Variants in PHIP observed in about 807,000 individuals in gnomAD.
The protein encoded by PHIP is PH-interacting protein.
A neutral mutation model predicts 236.8 loss-of-function variants in PHIP; 54 were observed. The ratio of observed to expected loss-of-function variants is 0.23; its 90% CI spans 0.18 to 0.29. The LOEUF (loss-of-function observed/expected upper bound fraction) is 0.29, where lower values mean the gene tolerates loss of function less well. Among genes scored for constraint, PHIP ranks in the 10% least tolerant of loss-of-function variants. PHIP has a pLI of 1.00. For missense variants in PHIP, 1,370 were observed against 2,190.8 expected (o/e 0.63, Z 7.48); for synonymous variants, 756 against 718.9 (o/e 1.05, Z -0.83).
chr6:78,994,475 G>GC (rs1260379905), intron 19 of PHIP, among the ~76,000 whole-genome samples: 2 of 152,162 alleles, frequency 1.3e-5, no homozygotes, highest in Non-Finnish European at 2.9e-5. Context: ...TACTGGGAAG[G>GC]CTGAGGCAGG....
At chr6:78,989,541 G>GA (rs1769081583) in intron 20 of PHIP, among the ~76,000 whole-genome samples, 2 of 152,072 alleles carry the variant, frequency 1.3e-5, no homozygotes, top group Non-Finnish European at 2.9e-5. Context: ...TTAAATTTGG[G>GA]AAAAATAAAT....
chr6:78,954,886 T>C lies in PHIP; in HGVS notation c.3981A>G (p.Glu1327=). ...DIQAWKKQCE[E]LLNLIFQCED... Reference sequence around the variant, plus strand: ...CACATTGAAATATGAGATTTAACAATTCTTCACACTGTTTCTTCCATGCTT... The same window carrying C: ...CACATTGAAATATGAGATTTAACAACTCTTCACACTGTTTCTTCCATGCTT... Residue 1327 remains glutamate (E), a synonymous_variant, in exon 35 of 40, where the codon GAA becomes GAG. Coordinates refer to ENST00000275034, the MANE Select transcript of PHIP (RefSeq NM_017934.7). The C allele has an allele frequency of 6.3e-7, 1 of 1,587,022 alleles. No individual in the cohort carries two copies. The highest frequency in any genetic ancestry group is 1.4e-5 in the African/African-American group (1 of 73,364).
At chr6:79,047,771 C>A (rs890869534) in intron 6 of PHIP, among the ~76,000 whole-genome samples, 2 of 152,086 alleles carry the variant, frequency 1.3e-5, no homozygotes, top group African/African-American at 4.8e-5. Flanking sequence ...TTCTCCTACT[C>A]AGCCCAACAG....
At chr6:78,945,529 G>C (rs749405647) in intron 38 of PHIP, 32 bp from the exon 39 acceptor site, 3 of 1,353,094 alleles carry the variant, frequency 2.2e-6, no homozygotes, top group Non-Finnish European at 3.1e-6. Flanking sequence ...TAAAAATTAA[G>C]AGTTATTGAA....
At chr6:79,002,230 A>C in intron 16 of PHIP, 106 bp from the exon 17 acceptor site, 1 of 678,608 alleles carries the variant, frequency 1.5e-6, no homozygotes, top group Non-Finnish European at 2.5e-6. Context: ...AATACGAATA[A>C]TGGTATTAAG....
At chr6:79,073,420 A>C (rs1221925533) in intron 4 of PHIP, among the ~76,000 whole-genome samples, 1 of 152,196 alleles carries the variant, frequency 6.6e-6, no homozygotes, top group Admixed American at 6.5e-5. Context: ...TCTACTAAAA[A>C]AGGAAATAGT....
chr6:79,024,171 A>T (rs1330584070), intron 9 of PHIP, among the ~76,000 whole-genome samples: 9 of 152,240 alleles, frequency 5.9e-5, no homozygotes, highest in Non-Finnish European at 1.2e-4. Context: ...AGCTGCCATA[A>T]GAACCACTCT....
At chr6:78,991,046 G>A (rs1769208599) in intron 19 of PHIP, 61 bp from the exon 20 acceptor site, 5 of 968,850 alleles carry the variant, frequency 5.2e-6, no homozygotes, top group Non-Finnish European at 6.4e-6. Context: ...CCTCCAAAAG[G>A]AATGTTAGGT....
Position 79,056,366 on chromosome 6 carries a change from G to A in PHIP, c.439+4112C>T, listed in dbSNP as rs115927706. On this transcript the variant is annotated intron_variant, in intron 6 of 39. Transcript: ENST00000275034. ...AAGAACTGCCAAAGAGTTGTACTAA[G>A]CTAGAGCACAAAGTGCAGGTGAGGA... 4.8e-3 allele frequency among the ~76,000 whole-genome samples: 734 copies of A among 152,272 alleles called. 7 individuals are homozygous for A. The highest frequency in any genetic ancestry group is 0.017 in the African/African-American group (699 of 41,558).
At chr6:79,066,991 C>T (rs941220290) in intron 4 of PHIP, among the ~76,000 whole-genome samples, 1 of 152,048 alleles carries the variant, frequency 6.6e-6, no homozygotes, top group Admixed American at 6.5e-5. Flanking sequence ...TGGGCTCAAA[C>T]GATCCTCCGA....
intron 7 of PHIP, among the ~76,000 whole-genome samples, chr6:79,038,709 T>C (rs1275806059): frequency 6.6e-6 from 1 of 152,082 alleles, no homozygotes. Context: ...ATTAGATACA[T>C]ACAAGATAAT....
At chr6:79,077,009 C>T (rs761486283) in intron 4 of PHIP, among the ~76,000 whole-genome samples, 66 of 152,308 alleles carry the variant, frequency 4.3e-4, no homozygotes, top group Non-Finnish European at 7.5e-4. Context: ...AGCAGTTAGT[C>T]ACCAGCTATT....
intron 39 of PHIP, among the ~76,000 whole-genome samples, chr6:78,941,797 T>C (rs1562110513): frequency 1.3e-5 from 2 of 152,166 alleles, no homozygotes; most frequent in East Asian, 1.9e-4. Flanking sequence ...TGATTATATA[T>C]ATATATCAAT....
intron 6 of PHIP, among the ~76,000 whole-genome samples, chr6:79,054,007 T>C (rs1230271572): frequency 6.6e-6 from 1 of 151,488 alleles, no homozygotes; most frequent in Admixed American, 6.6e-5. Flanking sequence ...TTTTGCCCCC[T>C]TTTTTTTGTC....
chr6:78,983,440 C>CAT (rs1562151479), intron 22 of PHIP, among the ~76,000 whole-genome samples: 1 of 152,028 alleles, frequency 6.6e-6, no homozygotes, highest in Non-Finnish European at 1.5e-5. Flanking sequence ...ATTCTGTGAG[C>CAT]ATATAAAAAT....
intron 22 of PHIP, among the ~76,000 whole-genome samples, chr6:78,983,433 C>A (rs1768670044): frequency 6.6e-6 from 1 of 152,092 alleles, no homozygotes; most frequent in Non-Finnish European, 1.5e-5. Flanking sequence ...GTTACAAATT[C>A]TGTGAGCATA....
intron 9 of PHIP, among the ~76,000 whole-genome samples, chr6:79,020,932 G>A (rs1771086644): frequency 6.6e-6 from 1 of 152,034 alleles, no homozygotes. Flanking sequence ...TTAAATTAGT[G>A]TGACAATGTA....
At chr6:79,008,692 T>A (rs1172548970) in intron 15 of PHIP, among the ~76,000 whole-genome samples, 2 of 152,156 alleles carry the variant, frequency 1.3e-5, no homozygotes, top group African/African-American at 4.8e-5. Context: ...GAAAGTAAAC[T>A]ATATACTATA....
chr6:79,050,225 C>T (rs558068006), intron 6 of PHIP, among the ~76,000 whole-genome samples: 9 of 152,180 alleles, frequency 5.9e-5, no homozygotes, highest in Non-Finnish European at 7.4e-5. Flanking sequence ...AACACTCTTA[C>T]GACGTGTAGC....
Sources: gnomAD v4.1 joint callset for allele counts (sites outside exome capture counted in the v4.1 genomes callset) on GRCh38, gnomAD v4.1.1 for gene constraint, MANE v1.5 for transcripts, NCBI Gene and HGNC (gene_info 2026-07-23, HGNC 2026-07-21) for gene names.